SEM1: variants seen among roughly 807,000 people sequenced by gnomAD.
SEM1 encodes SEM1 26S proteasome subunit.
Under a neutral mutation model 12.7 loss-of-function variants are expected in SEM1, and 3 were observed. The observed-to-expected ratio is 0.24, with a 90% CI of 0.11 to 0.61. The LOEUF (loss-of-function observed/expected upper bound fraction) is 0.61. SEM1 is among the 20% of genes least tolerant of loss of function. The probability of loss-of-function intolerance (pLI) is 0.88; values close to 1 mark genes in which losing one functional copy is unlikely to be tolerated. For synonymous variants in SEM1, 30 were observed against 27.8 expected (o/e 1.08, Z -0.25); for missense variants, 59 against 81.3 (o/e 0.73, Z 1.06).
chr7:96,678,945 T>G (rs559286212), intron 2 of SEM1, among the ~76,000 whole-genome samples: 1 of 152,224 alleles, frequency 6.6e-6, no homozygotes, highest in African/African-American at 2.4e-5. Context: ...GTCCCTACAT[T>G]ATGAACTAGT....
intron 2 of SEM1, among the ~76,000 whole-genome samples, chr7:96,680,884 C>CT (rs1235644166): frequency 5.9e-5 from 9 of 152,172 alleles, no homozygotes; most frequent in African/African-American, 2.2e-4. Flanking sequence ...AAGGAGTTGG[C>CT]TATTGCAATG....
At chr7:96,574,029 G>A (rs892382086) in intron 2 of SEM1, among the ~76,000 whole-genome samples, 10 of 151,844 alleles carry the variant, frequency 6.6e-5, no homozygotes, top group African/African-American at 2.2e-4. Flanking sequence ...TTGGTGTGCT[G>A]CACCCGTTAA....
At chr7:96,584,219 AT>A (rs1806528177) in intron 2 of SEM1, among the ~76,000 whole-genome samples, 1 of 151,920 alleles carries the variant, frequency 6.6e-6, no homozygotes, top group Non-Finnish European at 1.5e-5. Flanking sequence ...TTTCTCCTTC[AT>A]TTATGAAGCT....
In SEM1 at chr7:96,704,943, T is replaced by C. The variant is rs1280956429; in HGVS notation, c.76+4745A>G. On this transcript the variant is annotated intron_variant, in intron 1 of 2. Coordinates refer to ENST00000248566, the MANE Select transcript of SEM1 (RefSeq NM_006304.2). Reference sequence around the variant, plus strand: ...TCGTGCAGGCACAAATATAAAATCCTTGACCTCTACCCACTAAATGCTGGC... The same window carrying C: ...TCGTGCAGGCACAAATATAAAATCCCTGACCTCTACCCACTAAATGCTGGC... Among the ~76,000 whole-genome samples, 3 of 152,232 alleles carry C rather than the reference T, an allele frequency of 2.0e-5. No homozygotes were observed. The East Asian group carries it at 5.8e-4, about 29-fold the overall frequency.
rs187901540 is a variant in SEM1, at chr7:96,610,194, G to A, written c.170+84604C>T. 3.9e-3 allele frequency among the ~76,000 whole-genome samples: 586 copies of A among 152,104 alleles called. 3 individuals are homozygous for A. Among genetic ancestry groups the A allele is most frequent in the African/African-American group, 0.013 (554 of 41,500 alleles). On this transcript the variant is annotated intron_variant and NMD_transcript_variant, in intron 2 of 3. Coordinates refer to the SEM1 transcript ENST00000466986. Reference sequence around the variant, plus strand: ...AGCTCACCGCAACCTCCGCCTCCTGGGTTCAAGTGATTCTCCTGCCTCAGC... The same window carrying A: ...AGCTCACCGCAACCTCCGCCTCCTGAGTTCAAGTGATTCTCCTGCCTCAGC...
intron 2 of SEM1, among the ~76,000 whole-genome samples, chr7:96,625,516 G>C (rs1808033213): frequency 6.6e-6 from 1 of 152,168 alleles, no homozygotes; most frequent in East Asian, 1.9e-4. Flanking sequence ...ACTCCCTAGT[G>C]TTGTCACTGC....
At chr7:96,516,137 T>C (rs1408245195) in intron 2 of SEM1, among the ~76,000 whole-genome samples, 1 of 151,954 alleles carries the variant, frequency 6.6e-6, no homozygotes, top group Non-Finnish European at 1.5e-5. Context: ...TGCAAAAGTA[T>C]AAAACTCCTA....
At chr7:96,545,636 C>G (rs907575755) in intron 2 of SEM1, among the ~76,000 whole-genome samples, 8 of 152,036 alleles carry the variant, frequency 5.3e-5, no homozygotes, top group African/African-American at 1.9e-4. Flanking sequence ...TCAACATTTT[C>G]AGAAAAATCT....
chr7:96,586,145 C>T (rs1806627049), intron 2 of SEM1, among the ~76,000 whole-genome samples: 1 of 152,084 alleles, frequency 6.6e-6, no homozygotes, highest in South Asian at 2.1e-4. Flanking sequence ...GTCCAATTCT[C>T]AATTTTAAAA....
exon 4 of SEM1, chr7:96,482,396 A>G (rs1802576337): frequency 6.6e-6 from 1 of 152,170 alleles, no homozygotes; most frequent in South Asian, 2.1e-4. Flanking sequence ...GCCCAGATCT[A>G]TGAAAAGTAC....
At chr7:96,499,842 G>T (rs1002216383), upstream of SEM1, among the ~76,000 whole-genome samples, 2 of 152,052 alleles carry the variant, frequency 1.3e-5, no homozygotes, top group South Asian at 2.1e-4. Context: ...CTAGAAAAAC[G>T]TTTTTTGTTT....
intron 2 of SEM1, among the ~76,000 whole-genome samples, chr7:96,586,214 T>C (rs1308364703): frequency 1.3e-5 from 2 of 152,174 alleles, no homozygotes; most frequent in Admixed American, 1.3e-4. Context: ...TGCTTGGCTT[T>C]CTGGTCTCCA....
At chr7:96,564,769 T>C (rs995917337) in intron 2 of SEM1, among the ~76,000 whole-genome samples, 4 of 152,036 alleles carry the variant, frequency 2.6e-5, no homozygotes, top group African/African-American at 9.7e-5. Context: ...GGCTCTGCTA[T>C]TGAGAGTTTT....
intron 2 of SEM1, among the ~76,000 whole-genome samples, chr7:96,616,256 T>C (rs1303241890): frequency 6.6e-6 from 1 of 152,212 alleles, no homozygotes; most frequent in Admixed American, 6.5e-5. Flanking sequence ...TTTGATGGTA[T>C]CTCATTGTGG....
intron 1 of SEM1, among the ~76,000 whole-genome samples, chr7:96,487,178 T>A (rs1802806242): frequency 6.7e-6 from 1 of 150,266 alleles, no homozygotes; most frequent in Admixed American, 6.6e-5. Flanking sequence ...TAAGGGAGTA[T>A]CACACAGTAA....
chr7:96,553,156 C>G (rs1466284419), intron 2 of SEM1, among the ~76,000 whole-genome samples: 7 of 151,610 alleles, frequency 4.6e-5, no homozygotes, highest in African/African-American at 1.2e-4. Flanking sequence ...CCTGTTCACT[C>G]TGATGGTAGT....
At chr7:96,620,112 C>T (rs560419458), downstream of SEM1, among the ~76,000 whole-genome samples, 16 of 152,212 alleles carry the variant, frequency 1.1e-4, no homozygotes, top group African/African-American at 2.6e-4. Flanking sequence ...GCAGCCATGG[C>T]GGCCTGAACT....
At chr7:96,490,873 G>A (rs138371251) in intron 1 of SEM1, among the ~76,000 whole-genome samples, 201 of 152,058 alleles carry the variant, frequency 1.3e-3, no homozygotes, top group African/African-American at 4.4e-3. Flanking sequence ...GGTTTATGGG[G>A]GGTTCTTTGA....
chr7:96,706,528 C>A (rs999145229), intron 1 of SEM1: 4 of 138,190 alleles, frequency 2.9e-5, no homozygotes, highest in Non-Finnish European at 6.1e-5. Context: ...CGCCACTGCA[C>A]TCCAGCCTGG....
Sources: allele counts gnomAD v4.1 joint callset (sites outside exome capture counted in the v4.1 genomes callset), GRCh38; gene constraint gnomAD v4.1.1; transcripts MANE v1.5; gene names NCBI Gene and HGNC (gene_info 2026-07-23, HGNC 2026-07-21).